The following STOX2 variants were observed in gnomAD, a reference collection of about 807,000 sequenced individuals.
STOX2 encodes the protein storkhead box 2.
In STOX2, 28 loss-of-function variants were observed where a neutral mutation model predicts 60.9. The observed-to-expected ratio is 0.46, with a 90% confidence interval of 0.34 to 0.63. STOX2 has a LOEUF of 0.63. Among genes scored for constraint, STOX2 ranks in the 30% least tolerant of loss-of-function variants. STOX2 has a pLI of 0.01. For synonymous variants in STOX2, 472 were observed against 463.9 expected (o/e 1.02, Z -0.22); for missense variants, 1,024 against 1,187.7 (o/e 0.86, Z 2.03).
At chr4:183,831,543 G>A (rs1247564766) in intron 1 of STOX2, among the ~76,000 whole-genome samples, 7 of 150,710 alleles carry the variant, frequency 4.6e-5, no homozygotes, top group Non-Finnish European at 8.8e-5. Context: ...AAATAATTGC[G>A]AAAAGAATGG....
chr4:183,830,855 T>G (rs1242454943), intron 1 of STOX2, among the ~76,000 whole-genome samples: 1 of 152,036 alleles, frequency 6.6e-6, no homozygotes, highest in African/African-American at 2.4e-5. Flanking sequence ...AAGAATGCTG[T>G]GCAAAACGTT....
chr4:183,995,840 C>A (rs6552726), intron 1 of STOX2, among the ~76,000 whole-genome samples: 14 of 151,864 alleles, frequency 9.2e-5, no homozygotes, highest in African/African-American at 1.5e-4. Flanking sequence ...CCGCAGCTCC[C>A]CAGTCTCAGC....
intron 1 of STOX2, among the ~76,000 whole-genome samples, chr4:183,939,845 T>C (rs1272691118): frequency 3.9e-5 from 6 of 152,190 alleles, no homozygotes; most frequent in Non-Finnish European, 8.8e-5. Flanking sequence ...TCCTAAAAAT[T>C]CTGACCAGTG....
intron 2 of STOX2, among the ~76,000 whole-genome samples, chr4:184,006,333 G>A (rs949701378): frequency 7.2e-5 from 11 of 152,266 alleles, no homozygotes; most frequent in African/African-American, 2.4e-4. Context: ...ACATGGGCTT[G>A]TTATCTTGAT....
At position 183,932,028 on chromosome 4, in the gene STOX2, A is replaced by T. The variant is rs144997358; in HGVS notation, c.166+25072A>T. 5.3e-5 allele frequency among the ~76,000 whole-genome samples: 8 copies of T among 152,130 alleles called. No homozygotes were observed. The East Asian group carries it at 1.5e-3, about 29-fold the overall frequency. On this transcript the variant is annotated intron_variant, in intron 1 of 3. Transcript: ENST00000308497. ...AGGAGACAGCGTGGAGCAGGTGATG[A>T]TGGTGGAGAGGCTGAGTGGTGGGCA...
chr4:183,801,550 T>C (rs73006658), intron 1 of STOX2, among the ~76,000 whole-genome samples: 6,009 of 152,296 alleles, frequency 0.039, 395 homozygotes, highest in African/African-American at 0.14. Context: ...GAGAAGCAGT[T>C]ACTTCTGTCT....
At chr4:183,903,628 C>T (rs890391081), upstream of STOX2, among the ~76,000 whole-genome samples, 2 of 152,212 alleles carry the variant, frequency 1.3e-5, no homozygotes, top group African/African-American at 4.8e-5. Flanking sequence ...CAGCAGTCAC[C>T]ATTAGCTTTA....
intron 1 of STOX2, among the ~76,000 whole-genome samples, chr4:183,983,963 C>T (rs996056823): frequency 1.3e-5 from 2 of 152,072 alleles, no homozygotes; most frequent in Non-Finnish European, 2.9e-5. Context: ...TGACCTTGGG[C>T]CACCCCTCTT....
intron 1 of STOX2, among the ~76,000 whole-genome samples, chr4:183,990,524 T>C (rs989567288): frequency 6.8e-6 from 1 of 146,818 alleles, no homozygotes; most frequent in African/African-American, 2.5e-5. Context: ...TCCCTACACA[T>C]GGAACCCTTT....
intron 1 of STOX2, among the ~76,000 whole-genome samples, chr4:183,932,893 C>T (rs1359780459): frequency 6.6e-6 from 1 of 152,188 alleles, no homozygotes; most frequent in East Asian, 1.9e-4. Flanking sequence ...CTCATCTGAA[C>T]AATATTTATA....
chr4:183,976,663 A>G (rs777824356), intron 1 of STOX2, among the ~76,000 whole-genome samples: 3 of 152,208 alleles, frequency 2.0e-5, no homozygotes, highest in African/African-American at 7.2e-5. Context: ...GTGGCATGCA[A>G]TATACCCATG....
At chr4:183,967,954 C>T (rs908709961) in intron 1 of STOX2, among the ~76,000 whole-genome samples, 4 of 152,152 alleles carry the variant, frequency 2.6e-5, no homozygotes, top group Non-Finnish European at 4.4e-5. Context: ...AACACCGGAT[C>T]GGTACACACT....
At chr4:183,860,407 C>T (rs1180908389) in intron 1 of STOX2, among the ~76,000 whole-genome samples, 25 of 105,338 alleles carry the variant, frequency 2.4e-4, no homozygotes, top group South Asian at 2.9e-4. Flanking sequence ...TGCCAGCTGG[C>T]TTAAAACAAA....
chr4:183,950,702 C>G (rs7661112), intron 1 of STOX2, among the ~76,000 whole-genome samples: 13,288 of 152,246 alleles, frequency 0.087, 1,254 homozygotes, highest in African/African-American at 0.21. Context: ...AACTCACAGC[C>G]TGCTGGGGAC....
chr4:183,937,953 G>C (rs1326870653), intron 1 of STOX2, among the ~76,000 whole-genome samples: 1 of 152,152 alleles, frequency 6.6e-6, no homozygotes, highest in Non-Finnish European at 1.5e-5. Context: ...TTCAAGACCA[G>C]CCTGGGCAAC....
chr4:183,951,082 G>GGT (rs1167448046), intron 1 of STOX2, among the ~76,000 whole-genome samples: 1 of 151,852 alleles, frequency 6.6e-6, no homozygotes, highest in Non-Finnish European at 1.5e-5. Flanking sequence ...CGGGCGTGGT[G>GGT]GCGGGCGCCT....
rs1004396426 is a variant in STOX2 at position 183,821,577 on chromosome 4, G to A, written c.364+23522G>A. Reference sequence around the variant, plus strand: ...ATCTTGCTGTGTCCTTTGTTCTGATGTCACTGGGGTTGGGCCTGAGGCCTC... The same window carrying A: ...ATCTTGCTGTGTCCTTTGTTCTGATATCACTGGGGTTGGGCCTGAGGCCTC... On this transcript the variant is annotated intron_variant, in intron 1 of 2. Coordinates refer to the STOX2 transcript ENST00000513034. This position sits in a 1 kb window ranked among gnomAD's most constrained non-coding sequence, Gnocchi z 4.2. Among the ~76,000 whole-genome samples the A allele has an allele frequency of 1.3e-5, 2 of 152,260 alleles. No homozygotes were observed. The highest frequency in any genetic ancestry group is 4.8e-5 in the African/African-American group (2 of 41,478).
chr4:183,927,124 C>T lies in STOX2; in HGVS notation c.166+20168C>T, dbSNP rs549152446. 2.6e-5 allele frequency among the ~76,000 whole-genome samples: 4 copies of T among 152,320 alleles called. No individual in the cohort carries two copies. The East Asian group carries it at 7.7e-4, about 29-fold the overall frequency. ...TTGCTTTTCTAGCCAGTTATTGATTCTTTGCACACATGTAGACTTTTCAGT... is the reference window on the plus strand; with the variant it reads ...TTGCTTTTCTAGCCAGTTATTGATTTTTTGCACACATGTAGACTTTTCAGT... On this transcript the variant is annotated intron_variant, in intron 1 of 3. Coordinates refer to ENST00000308497, the MANE Select transcript of STOX2 (RefSeq NM_020225.3).
In STOX2 at chr4:184,010,825, G is replaced by A; in HGVS notation, c.1987G>A (p.Gly663Arg). ...HKEESPKGPGGGPAASGGVAE... is the reference protein window; with the variant it reads ...HKEESPKGPGRGPAASGGVAE... ...GGAGGAGTCACCAAAAGGGCCGGGT[G>A]GGGGCCCCGCTGCTTCGGGAGGAGT... is the stretch of plus-strand genomic sequence containing the variant. Residue 663 changes from glycine (G) to arginine (R), a missense_variant, in exon 3 of 4, where the codon GGG becomes AGG. Gly to Arg is a moderately radical substitution (Grantham distance 125, BLOSUM62 -2). This residue lies in a region of STOX2 where 922 missense variants were observed against 1,058.3 expected (regional missense o/e 0.87). Coordinates refer to ENST00000308497, the MANE Select transcript of STOX2 (RefSeq NM_020225.3). The surrounding 1 kb of genome is among the most constrained non-coding windows in gnomAD (Gnocchi z 4.5). 6.3e-7 allele frequency: 1 copy of A among 1,590,228 alleles called. No homozygotes were observed. The highest frequency in any genetic ancestry group is 8.6e-7 in the Non-Finnish European group (1 of 1,168,364).
Sources: allele counts gnomAD v4.1 joint callset (sites outside exome capture counted in the v4.1 genomes callset), GRCh38; gene constraint gnomAD v4.1.1; regional missense constraint gnomAD v4.1.1; non-coding constraint Gnocchi (gnomAD v3.1); transcripts MANE v1.5; gene names NCBI Gene and HGNC (gene_info 2026-07-23, HGNC 2026-07-21).